The following SHISA9 variants were observed in gnomAD, a reference collection of about 807,000 sequenced individuals.
SHISA9 encodes the protein protein shisa-9.
SHISA9 carries 13 observed loss-of-function variants against 38.0 expected under a neutral mutation model. That is an observed-to-expected ratio of 0.34 (90% CI 0.22 to 0.54). The LOEUF (loss-of-function observed/expected upper bound fraction) is 0.54, where lower values mean the gene tolerates loss of function less well. Among genes scored for constraint, SHISA9 ranks in the 20% least tolerant of loss-of-function variants. The pLI, the probability that SHISA9 is intolerant of heterozygous loss-of-function variation, is 0.91. For missense variants in SHISA9, 538 were observed against 575.8 expected, an observed-to-expected ratio of 0.93 and a Z score of 0.67; for synonymous variants, 275 against 242.0, an observed-to-expected ratio of 1.14 and a Z score of -1.27.
chr16:13,487,717 A>G, the SHISA9 span, among the ~76,000 whole-genome samples: 2 of 152,238 alleles, frequency 1.3e-5, no homozygotes, highest in Non-Finnish European at 2.9e-5. Context: ...TGTAAATGCT[A>G]TGTAAATAGA....
the SHISA9 span, among the ~76,000 whole-genome samples, chr16:13,532,670 C>A: frequency 6.6e-6 from 1 of 152,044 alleles, no homozygotes; most frequent in African/African-American, 2.4e-5. Context: ...GTCCCCCTTG[C>A]TTCACATGGC....
chr16:13,418,639 T>A, the SHISA9 span, among the ~76,000 whole-genome samples: 3 of 152,198 alleles, frequency 2.0e-5, no homozygotes, highest in East Asian at 5.8e-4. Context: ...GCTGGAGCTC[T>A]GATGATGTGG....
intron 2 of SHISA9, among the ~76,000 whole-genome samples, chr16:12,917,818 C>T (rs1205266921): frequency 2.6e-5 from 4 of 152,262 alleles, no homozygotes; most frequent in Admixed American, 2.6e-4. Flanking sequence ...CAGACTGGGT[C>T]GTCTTTGCTG....
chr16:13,136,672 T>A (rs796304155), intron 2 of SHISA9, among the ~76,000 whole-genome samples: 9 of 152,272 alleles, frequency 5.9e-5, no homozygotes, highest in African/African-American at 2.2e-4. Context: ...AGTTCTGGGA[T>A]TACAGGCGTG....
At chr16:13,149,395 T>G (rs746969788) in intron 2 of SHISA9, among the ~76,000 whole-genome samples, 7 of 152,080 alleles carry the variant, frequency 4.6e-5, no homozygotes, top group Non-Finnish European at 7.4e-5. Context: ...GGGCACAGGG[T>G]CACAGAGGGT....
chr16:13,147,968 C>T (rs926444399), intron 2 of SHISA9, among the ~76,000 whole-genome samples: 4 of 152,236 alleles, frequency 2.6e-5, no homozygotes, highest in South Asian at 2.1e-4. Flanking sequence ...GACTGAGGTC[C>T]GAGAGGGGGA....
chr16:12,946,375 T>C (rs2071688551), intron 2 of SHISA9, among the ~76,000 whole-genome samples: 1 of 152,178 alleles, frequency 6.6e-6, no homozygotes, highest in Non-Finnish European at 1.5e-5. Context: ...GGGAACCAAG[T>C]AAAAAGACAA....
chr16:13,280,436 A>G, the SHISA9 span, among the ~76,000 whole-genome samples: 1 of 151,726 alleles, frequency 6.6e-6, no homozygotes, highest in Non-Finnish European at 1.5e-5. Flanking sequence ...ATCGAATATT[A>G]TGGATTTCCC....
At chr16:13,184,102 C>G (rs1263622212) in intron 2 of SHISA9, among the ~76,000 whole-genome samples, 3 of 152,112 alleles carry the variant, frequency 2.0e-5, no homozygotes, top group East Asian at 1.9e-4. Flanking sequence ...TGTTCTGTCC[C>G]TCCACTCCAA....
At chr16:13,199,478 C>A (rs906203391) in intron 2 of SHISA9, among the ~76,000 whole-genome samples, 1 of 152,202 alleles carries the variant, frequency 6.6e-6, no homozygotes, top group African/African-American at 2.4e-5. Flanking sequence ...GAAATCCAGA[C>A]AACAATTGCC....
chr16:13,154,471 C>T (rs2050525805), intron 2 of SHISA9, among the ~76,000 whole-genome samples: 1 of 152,192 alleles, frequency 6.6e-6, no homozygotes, highest in Admixed American at 6.5e-5. Context: ...TGCTTTTCCC[C>T]TCCATCATGG....
At chr16:13,334,741 T>G in the SHISA9 span, among the ~76,000 whole-genome samples, 1 of 134,290 alleles carries the variant, frequency 7.4e-6, no homozygotes, top group Non-Finnish European at 1.5e-5. Flanking sequence ...ACCACTGCAC[T>G]CCAGCCTGGG....
chr16:13,015,983 TCCC>T (rs2072751552), intron 2 of SHISA9, among the ~76,000 whole-genome samples: 1 of 48,312 alleles, frequency 2.1e-5, no homozygotes, highest in African/African-American at 6.8e-5. Context: ...TCCCTTCCCT[TCCC>T]TTCTTTTCTT....
intron 2 of SHISA9, among the ~76,000 whole-genome samples, chr16:13,013,725 A>G (rs2072706755): frequency 6.6e-6 from 1 of 152,116 alleles, no homozygotes; most frequent in African/African-American, 2.4e-5. Context: ...AAGGCTGGAA[A>G]ATAATACCTT....
At chr16:13,150,364 G>A (rs2050488400) in intron 2 of SHISA9, among the ~76,000 whole-genome samples, 1 of 152,090 alleles carries the variant, frequency 6.6e-6, no homozygotes, top group South Asian at 2.1e-4. Flanking sequence ...GGCAGACTTG[G>A]GTTTCCTCTG....
At chr16:12,949,867 G>A (rs2071732749) in intron 2 of SHISA9, among the ~76,000 whole-genome samples, 1 of 152,022 alleles carries the variant, frequency 6.6e-6, no homozygotes, top group Non-Finnish European at 1.5e-5. Flanking sequence ...TTTGTGTTGG[G>A]ACCATTCCAA....
chr16:13,108,815 AAG>A (rs1465485792), intron 2 of SHISA9, among the ~76,000 whole-genome samples: 1 of 152,176 alleles, frequency 6.6e-6, no homozygotes, highest in Non-Finnish European at 1.5e-5. Context: ...ATGGTAACAC[AAG>A]AGAGTGTTGT....
chr16:13,374,960 T>C, the SHISA9 span, among the ~76,000 whole-genome samples: 1 of 152,242 alleles, frequency 6.6e-6, no homozygotes, highest in Admixed American at 6.5e-5. Flanking sequence ...TGCATAAATG[T>C]CTTCTTTTGA....
At chr16:13,466,876 A>C in the SHISA9 span, among the ~76,000 whole-genome samples, 20 of 152,200 alleles carry the variant, frequency 1.3e-4, no homozygotes, top group African/African-American at 4.1e-4. Context: ...ATGGTACTTA[A>C]GTTATAGGAT....
Sources: gnomAD v4.1 joint callset for allele counts (sites outside exome capture counted in the v4.1 genomes callset) on GRCh38, gnomAD v4.1.1 for gene constraint, MANE v1.5 for transcripts, NCBI Gene and HGNC (gene_info 2026-07-23, HGNC 2026-07-21) for gene names.